E2F3: variants seen among roughly 807,000 people sequenced by gnomAD.
E2F3 encodes E2F transcription factor 3.
A neutral mutation model predicts 44.4 loss-of-function variants in E2F3; 11 were observed. The ratio of observed to expected loss-of-function variants is 0.25; its 90% CI spans 0.16 to 0.41. The LOEUF (loss-of-function observed/expected upper bound fraction) is 0.41. Ranked by LOEUF, E2F3 falls within the 10% of genes least tolerant of loss-of-function variation. E2F3 has a pLI of 1.00. For synonymous variants in E2F3, 249 were observed against 253.0 expected (o/e 0.98, Z 0.15); for missense variants, 487 against 583.6 (o/e 0.83, Z 1.70).
chr6:20,447,069 G>A (rs77611054), intron 1 of E2F3, among the ~76,000 whole-genome samples: 4,318 of 152,240 alleles, frequency 0.028, 204 homozygotes, highest in African/African-American at 0.095. Flanking sequence ...TCAAGATAGA[G>A]TGTAATAAGT....
chr6:20,445,479 C>T (rs2127598025), intron 1 of E2F3, among the ~76,000 whole-genome samples: 1 of 152,238 alleles, frequency 6.6e-6, no homozygotes, highest in African/African-American at 2.4e-5. Flanking sequence ...ACCTCGTGAG[C>T]CACCGTGCCC....
intron 1 of E2F3, among the ~76,000 whole-genome samples, chr6:20,441,983 G>A (rs966639026): frequency 9.3e-5 from 14 of 150,522 alleles, no homozygotes; most frequent in Non-Finnish European, 1.6e-4. Flanking sequence ...TGACCCATCC[G>A]CATGTCACCC....
Position 20,442,920 on chromosome 6 carries a change from A to G in E2F3, c.394-36926A>G, listed in dbSNP as rs558681732. Among the ~76,000 whole-genome samples the G allele has an allele frequency of 4.6e-3, 704 of 152,120 alleles. 8 individuals carry two copies. The highest frequency in any genetic ancestry group is 0.017 in the Middle Eastern group (5 of 294). On this transcript the variant is annotated intron_variant, in intron 1 of 6. Transcript: ENST00000346618. ...AGGAGGCAGAGGTTGCAGTGAGCCA[A>G]GATTGCGCCATTGCACTCCAGCCTG... is the stretch of plus-strand genomic sequence containing the variant.
At chr6:20,476,007 A>G (rs1762031250) in intron 1 of E2F3, among the ~76,000 whole-genome samples, 2 of 152,178 alleles carry the variant, frequency 1.3e-5, no homozygotes, top group Admixed American at 6.5e-5. Flanking sequence ...CTGTCACACC[A>G]TAGCCATCTT....
intron 1 of E2F3, among the ~76,000 whole-genome samples, chr6:20,412,937 C>T (rs904806698): frequency 6.6e-6 from 1 of 152,178 alleles, no homozygotes; most frequent in African/African-American, 2.4e-5. Context: ...GTATCGAGGG[C>T]ACTAAACTAA....
At chr6:20,419,073 C>T (rs1221976148) in intron 1 of E2F3, among the ~76,000 whole-genome samples, 1 of 152,034 alleles carries the variant, frequency 6.6e-6, no homozygotes, top group Non-Finnish European at 1.5e-5. Context: ...TACAAAAGTG[C>T]ACATCGTGGC....
At chr6:20,425,725 C>G (rs78863059) in intron 1 of E2F3, among the ~76,000 whole-genome samples, 4,084 of 152,270 alleles carry the variant, frequency 0.027, 75 homozygotes, top group Non-Finnish European at 0.04. Context: ...GAAAATGCAA[C>G]AACGTGTCTT....
chr6:20,479,978 T>C, intron 2 of E2F3, 21 bp downstream of exon 2: 9 of 1,582,528 alleles, frequency 5.7e-6, no homozygotes, highest in Non-Finnish European at 7.7e-6. Flanking sequence ...TTTCATCTCT[T>C]TCCTTATTCT....
intron 1 of E2F3, among the ~76,000 whole-genome samples, chr6:20,404,863 T>A (rs1437981137): frequency 6.6e-6 from 1 of 152,238 alleles, no homozygotes; most frequent in East Asian, 1.9e-4. Flanking sequence ...TCTTACTGAC[T>A]TGACCTAAGC....
intron 1 of E2F3, among the ~76,000 whole-genome samples, chr6:20,408,088 A>G (rs189500909): frequency 1.3e-5 from 2 of 152,338 alleles, no homozygotes; most frequent in East Asian, 3.9e-4. Context: ...TGTTTCAGAG[A>G]CTGTATTCAC....
Position 20,490,154 on chromosome 6 carries a change from T to C in E2F3, c.1136-14T>C. ...CTAACTTATTTTTTGTTTCCATCAA[T>C]GTTTTCTTTTCAGACTTGGCTTCAA... is the stretch of plus-strand genomic sequence containing the variant. On this transcript the variant is annotated splice_polypyrimidine_tract_variant and intron_variant, in intron 6 of 6. Transcript: ENST00000346618. This position sits in a 1 kb window ranked among gnomAD's most constrained non-coding sequence, Gnocchi z 4.3. The C allele has an allele frequency of 3.2e-6, 5 of 1,556,848 alleles. No homozygotes were observed. Among genetic ancestry groups the C allele is most frequent in the Non-Finnish European group, 4.3e-6 (5 of 1,152,336 alleles).
intron 1 of E2F3, among the ~76,000 whole-genome samples, chr6:20,419,720 A>G (rs7753354): frequency 0.29 from 44,241 of 151,560 alleles, 8,639 homozygotes; most frequent in African/African-American, 0.55. Context: ...GCACGCCACC[A>G]TGGCTGGCTA....
At position 20,422,235 on chromosome 6, in the gene E2F3, C is replaced by T. The variant is rs184566518; in HGVS notation, c.393+19610C>T. ...GGAGAAGGCTTCTTTCCTTAAAGGT[C>T]GTGAACCAACTTCTGCTACCTTCCA... On this transcript the variant is annotated intron_variant, in intron 1 of 6. Coordinates refer to ENST00000346618, the MANE Select transcript of E2F3 (RefSeq NM_001949.5). Among the ~76,000 whole-genome samples the T allele has an allele frequency of 2.9e-3, 443 of 152,308 alleles. 3 individuals carry two copies. The highest frequency in any genetic ancestry group is 3.5e-3 in the Non-Finnish European group (236 of 68,032).
chr6:20,478,043 A>T (rs1561882020), intron 1 of E2F3, among the ~76,000 whole-genome samples: 1 of 149,410 alleles, frequency 6.7e-6, no homozygotes. Flanking sequence ...AAAAAAAAAA[A>T]TTTAAATTAG....
chr6:20,445,047 T>G, intron 1 of E2F3: 1 of 985,180 alleles, frequency 1.0e-6, no homozygotes, highest in Non-Finnish European at 1.2e-6. Context: ...TTTAAGCATT[T>G]GGACCAATAA....
chr6:20,431,423 C>T (rs874447), intron 1 of E2F3, among the ~76,000 whole-genome samples: 6,536 of 152,280 alleles, frequency 0.043, 295 homozygotes, highest in African/African-American at 0.12. Flanking sequence ...CTTCTGCTGA[C>T]GGTGTCCTGC....
chr6:20,413,241 A>G (rs984486605), intron 1 of E2F3, among the ~76,000 whole-genome samples: 3 of 152,184 alleles, frequency 2.0e-5, no homozygotes, highest in African/African-American at 7.2e-5. Context: ...TGCCTGTAGC[A>G]CTTGTTACAG....
At chr6:20,488,301 A>G (rs1368746569) in intron 6 of E2F3, 53 bp downstream of exon 6, 13 of 1,538,158 alleles carry the variant, frequency 8.5e-6, no homozygotes, top group Non-Finnish European at 1.1e-5. Context: ...GAGGGTGACT[A>G]GAACCATCTG....
At chr6:20,483,488 C>G (rs1762297973) in intron 4 of E2F3, among the ~76,000 whole-genome samples, 1 of 152,094 alleles carries the variant, frequency 6.6e-6, no homozygotes, top group Non-Finnish European at 1.5e-5. Flanking sequence ...TGCTGATTCC[C>G]AATGAAAAAA....
Sources: allele counts gnomAD v4.1 joint callset (sites outside exome capture counted in the v4.1 genomes callset), GRCh38; gene constraint gnomAD v4.1.1; non-coding constraint Gnocchi (gnomAD v3.1); transcripts MANE v1.5; gene names NCBI Gene and HGNC (gene_info 2026-07-23, HGNC 2026-07-21).